The following MTSS1 variants were observed in gnomAD, a reference collection of about 807,000 sequenced individuals.
The protein encoded by MTSS1 is protein MTSS 1.
MTSS1 carries 18 observed loss-of-function variants against 79.0 expected under a neutral mutation model. That is an observed-to-expected ratio of 0.23 (90% CI 0.16 to 0.34). The LOEUF (loss-of-function observed/expected upper bound fraction) is 0.34, where lower values mean the gene tolerates loss of function less well. Ranked by LOEUF, MTSS1 falls within the 10% of genes least tolerant of loss-of-function variation. MTSS1 has a pLI of 1.00. For missense variants in MTSS1, 815 were observed against 986.2 expected (o/e 0.83, Z 2.33); for synonymous variants, 341 against 368.6 (o/e 0.93, Z 0.86).
chr8:124,568,720 T>C (rs944908026), intron 6 of MTSS1, 184 bp from the exon 7 acceptor site: 2 of 1,488,410 alleles, frequency 1.3e-6, no homozygotes, highest in Non-Finnish European at 1.8e-6. Context: ...TTTCCAATTT[T>C]CAATGCCCAA....
chr8:124,682,893 C>T (rs1826356447), intron 3 of MTSS1, among the ~76,000 whole-genome samples: 1 of 152,222 alleles, frequency 6.6e-6, no homozygotes, highest in Non-Finnish European at 1.5e-5. Context: ...AACCAAAACA[C>T]ATTTCTAACC....
At chr8:124,658,343 C>T (rs1334325826) in intron 3 of MTSS1, among the ~76,000 whole-genome samples, 2 of 152,184 alleles carry the variant, frequency 1.3e-5, no homozygotes, top group South Asian at 4.1e-4. Context: ...TCGCTTGGCT[C>T]TCATTCTCTC....
chr8:124,628,670 AT>A (rs34729476), intron 3 of MTSS1, among the ~76,000 whole-genome samples: 26,886 of 152,128 alleles, frequency 0.18, 2,589 homozygotes, highest in African/African-American at 0.26. Flanking sequence ...AATTATAGGC[AT>A]TTTGTCAGCT....
chr8:124,687,521 A>C (rs1303456950), intron 3 of MTSS1, among the ~76,000 whole-genome samples: 3 of 152,184 alleles, frequency 2.0e-5, no homozygotes, highest in Non-Finnish European at 2.9e-5. Context: ...AGGCTCTCGG[A>C]TCTGGTTCTG....
intron 3 of MTSS1, among the ~76,000 whole-genome samples, chr8:124,625,980 T>C (rs1417880082): frequency 6.6e-6 from 1 of 151,282 alleles, no homozygotes; most frequent in African/African-American, 2.4e-5. Context: ...TTAAGCATAA[T>C]GAACACCTAC....
At position 124,565,747 on chromosome 8, in the gene MTSS1, A is replaced by T. The variant is rs755797414; in HGVS notation, c.739T>A (p.Leu247Met). The T allele has an allele frequency of 6.2e-7, 1 of 1,613,758 alleles. No homozygotes were observed. Among genetic ancestry groups the T allele is most frequent in the Non-Finnish European group, 8.5e-7 (1 of 1,179,828 alleles). ...GACCAGCTGTAATCAGAACCTTTCA[A>T]GTCCAGAATCACCTAAGGGGACAGA... is the stretch of plus-strand genomic sequence containing the variant. The part of the protein sequence containing the change: ...PSSSEQVILD[L>M]KGSDYSWSYQ... The change falls in exon 9 of 14, where the codon TTG becomes ATG. Residue 247 changes from leucine (L) to methionine (M), a missense_variant. Leu to Met is a conservative substitution (Grantham distance 15). Around this residue, in one of 2 missense-constraint regions of MTSS1, gnomAD observed 225 missense variants for 365.4 expected, o/e 0.62. Coordinates refer to ENST00000518547, the MANE Select transcript of MTSS1 (RefSeq NM_014751.6).
intron 3 of MTSS1, among the ~76,000 whole-genome samples, chr8:124,643,374 C>T (rs943143918): frequency 5.9e-5 from 9 of 151,992 alleles, no homozygotes; most frequent in Non-Finnish European, 1.2e-4. Flanking sequence ...CCTGCAGCCA[C>T]GGAAAAATGA....
chr8:124,553,536 G>A lies in MTSS1; in HGVS notation c.1724C>T (p.Thr575Ile), dbSNP rs1300871310. The change falls in exon 14 of 14, where the codon ACC becomes ATC. Residue 575 changes from threonine to isoleucine, a missense_variant. Around this residue, in one of 2 missense-constraint regions of MTSS1, gnomAD observed 590 missense variants for 620.8 expected, o/e 0.95. Transcript: ENST00000518547. The surrounding 1 kb of genome is among the most constrained non-coding windows in gnomAD (Gnocchi z 6.0). ...KRPASTAGLP[T>I]TLGPAMVTPG... ...AGTGACCATAGCAGGTCCCAGGGTG[G>A]TGGGGAGGCCAGCAGTTGAGGCTGG... The A allele has an allele frequency of 1.9e-6, 3 of 1,614,180 alleles. No individual in the cohort carries two copies. The highest frequency in any genetic ancestry group is 8.5e-7 in the Non-Finnish European group (1 of 1,180,028).
At chr8:124,619,367 T>C (rs2133487458) in intron 3 of MTSS1, 1 of 152,502 alleles carries the variant, frequency 6.6e-6, no homozygotes, top group South Asian at 2.1e-4. Flanking sequence ...CTGAGCAGCA[T>C]TTCCCATGCT....
At chr8:124,645,031 T>C (rs1396340588) in intron 3 of MTSS1, among the ~76,000 whole-genome samples, 1 of 152,168 alleles carries the variant, frequency 6.6e-6, no homozygotes, top group Non-Finnish European at 1.5e-5. Context: ...ACATTTCTGT[T>C]CAAACACCTG....
intron 3 of MTSS1, among the ~76,000 whole-genome samples, chr8:124,641,011 G>A (rs1485656077): frequency 4.6e-5 from 7 of 151,710 alleles, no homozygotes; most frequent in East Asian, 1.9e-4. Flanking sequence ...TATGTCATCC[G>A]TGTATGTACT....
intron 5 of MTSS1, 126 bp from the exon 6 acceptor site, chr8:124,585,287 A>ATATT: frequency 1.4e-6 from 1 of 699,086 alleles, no homozygotes; most frequent in Non-Finnish European, 2.5e-6. Flanking sequence ...TGGCTTTATC[A>ATATT]GAATACAATA....
intron 6 of MTSS1, among the ~76,000 whole-genome samples, chr8:124,584,157 C>T (rs1175167661): frequency 6.6e-6 from 1 of 152,216 alleles, no homozygotes; most frequent in African/African-American, 2.4e-5. Context: ...ACAATCCCAT[C>T]TCTACAAATG....
At chr8:124,689,662 C>T (rs1238303284) in intron 3 of MTSS1, among the ~76,000 whole-genome samples, 1 of 149,412 alleles carries the variant, frequency 6.7e-6, no homozygotes, top group African/African-American at 2.5e-5. Context: ...AGGACAGTCG[C>T]TTGAACCCGG....
At chr8:124,663,446 T>C (rs1431790184) in intron 3 of MTSS1, among the ~76,000 whole-genome samples, 1 of 152,028 alleles carries the variant, frequency 6.6e-6, no homozygotes, top group Non-Finnish European at 1.5e-5. Context: ...ATCGGAAGCC[T>C]CTGAGGCCAG....
intron 3 of MTSS1, among the ~76,000 whole-genome samples, chr8:124,612,635 CGA>C (rs1478306448): frequency 2.3e-5 from 1 of 43,974 alleles, no homozygotes; most frequent in East Asian, 6.4e-4. Flanking sequence ...TGTGTGTGTA[CGA>C]GAGAGAAAGA....
chr8:124,652,080 C>T (rs1043016079), intron 3 of MTSS1, among the ~76,000 whole-genome samples: 1 of 152,246 alleles, frequency 6.6e-6, no homozygotes, highest in African/African-American at 2.4e-5. Context: ...TTCCCTTCTC[C>T]TAATCCTCCC....
intron 3 of MTSS1, among the ~76,000 whole-genome samples, chr8:124,697,422 T>C (rs1379069307): frequency 6.6e-6 from 1 of 151,746 alleles, no homozygotes; most frequent in Non-Finnish European, 1.5e-5. Context: ...TAGTCGGGCG[T>C]GGTGGCACAT....
chr8:124,596,003 C>T (rs1832691483), intron 3 of MTSS1, among the ~76,000 whole-genome samples: 1 of 152,144 alleles, frequency 6.6e-6, no homozygotes. Context: ...AGGCCACAAA[C>T]AAGGAAGCAG....
Sources: gnomAD v4.1 joint callset for allele counts (sites outside exome capture counted in the v4.1 genomes callset) on GRCh38, gnomAD v4.1.1 for gene constraint, gnomAD v4.1.1 regional missense constraint, Gnocchi (gnomAD v3.1) non-coding constraint, MANE v1.5 for transcripts, NCBI Gene and HGNC (gene_info 2026-07-23, HGNC 2026-07-21) for gene names.